The following CFAP61 variants were observed in gnomAD, a reference collection of about 807,000 sequenced individuals.
CFAP61 encodes cilia- and flagella-associated protein 61.
CFAP61 carries 107 observed loss-of-function variants against 135.6 expected under a neutral mutation model. The ratio of observed to expected loss-of-function variants is 0.79; its 90% CI spans 0.67 to 0.93. CFAP61 has a LOEUF of 0.93. Among genes scored for constraint, CFAP61 ranks in the 40% least tolerant of loss-of-function variants. The probability of loss-of-function intolerance (pLI) is 0.00; values close to 1 mark genes in which losing one functional copy is unlikely to be tolerated. For synonymous variants in CFAP61, 575 were observed against 578.5 expected (o/e 0.99, Z 0.09); for missense variants, 1,507 against 1,556.2 (o/e 0.97, Z 0.53).
chr20:20,201,759 C>T (rs964409679), intron 17 of CFAP61, among the ~76,000 whole-genome samples: 1 of 152,180 alleles, frequency 6.6e-6, no homozygotes, highest in South Asian at 2.1e-4. Context: ...TTGCAGCTTC[C>T]GTATCAGATC....
intron 17 of CFAP61, among the ~76,000 whole-genome samples, chr20:20,209,366 A>C (rs1455300463): frequency 2.6e-5 from 4 of 152,210 alleles, no homozygotes; most frequent in Non-Finnish European, 4.4e-5. Flanking sequence ...TGCTCAGTCA[A>C]AGGTAAAGTT....
chr20:20,298,097 T>C, intron 24 of CFAP61, 84 bp from the exon 25 acceptor site: 1 of 908,970 alleles, frequency 1.1e-6, no homozygotes, highest in South Asian at 1.4e-5. Context: ...TCTGTTATAT[T>C]TGAAAAATAA....
At chr20:20,064,768 G>C (rs78486539) in intron 2 of CFAP61, among the ~76,000 whole-genome samples, 2,034 of 152,204 alleles carry the variant, frequency 0.013, 44 homozygotes, top group African/African-American at 0.046. Flanking sequence ...CCACATTTTG[G>C]ACAGGAAGAT....
At chr20:20,095,118 T>G (rs1015373426) in intron 7 of CFAP61, among the ~76,000 whole-genome samples, 2 of 152,184 alleles carry the variant, frequency 1.3e-5, no homozygotes, top group African/African-American at 4.8e-5. Context: ...TTCTCCATGT[T>G]CTTGAGGGTT....
intron 22 of CFAP61, among the ~76,000 whole-genome samples, chr20:20,288,163 C>G (rs574433097): frequency 6.6e-6 from 1 of 152,246 alleles, no homozygotes; most frequent in East Asian, 1.9e-4. Flanking sequence ...AATGGGCAGT[C>G]TGAAAACTGA....
intron 8 of CFAP61, among the ~76,000 whole-genome samples, chr20:20,104,151 G>C (rs1332363497): frequency 6.6e-6 from 1 of 152,112 alleles, no homozygotes; most frequent in Non-Finnish European, 1.5e-5. Context: ...TTGTCACCAA[G>C]TCATCCAGGA....
chr20:20,165,634 A>G (rs1334935902), intron 11 of CFAP61, among the ~76,000 whole-genome samples: 2 of 151,996 alleles, frequency 1.3e-5, no homozygotes, highest in Non-Finnish European at 2.9e-5. Flanking sequence ...ATCTGTTCAC[A>G]GAACCATCTC....
chr20:20,184,024 A>G (rs1405483257), intron 13 of CFAP61, among the ~76,000 whole-genome samples: 1 of 152,232 alleles, frequency 6.6e-6, no homozygotes. Flanking sequence ...CGATGTTTGC[A>G]GTTTTGTGCT....
intron 1 of CFAP61, chr20:20,056,048 C>T (rs772725067): frequency 1.3e-6 from 2 of 1,486,168 alleles, no homozygotes; most frequent in East Asian, 4.6e-5. Context: ...GTCGGAAAGG[C>T]TGGGTTATAC....
chr20:20,169,345 C>G lies in CFAP61; in HGVS notation c.1270C>G (p.Leu424Val). The G allele has an allele frequency of 6.2e-7, 1 of 1,613,762 alleles. No individual in the cohort carries two copies. ...FSDKNFCVIS[L>V]PHLTPEFFLI... ...GGATAAGAACTTCTGTGTAATTTCT[C>G]TGCCCCATCTCACCCCCGAGTTCTT... Residue 424 changes from leucine to valine, a missense_variant, in exon 13 of 27, where the codon CTG becomes GTG. Transcript: ENST00000245957.
intron 13 of CFAP61, among the ~76,000 whole-genome samples, chr20:20,171,274 T>C (rs1253622579): frequency 2.0e-5 from 3 of 152,182 alleles, no homozygotes; most frequent in African/African-American, 7.2e-5. Flanking sequence ...TGTCCTGCAG[T>C]AGTCCAGACA....
chr20:20,327,809 A>G (rs2057819020), intron 25 of CFAP61, among the ~76,000 whole-genome samples: 1 of 4,314 alleles, frequency 2.3e-4, no homozygotes, highest in South Asian at 7.2e-3. Flanking sequence ...AAAAAAACAG[A>G]AGAAACAGGA....
chr20:20,080,123 A>G (rs2046332585), intron 6 of CFAP61, among the ~76,000 whole-genome samples: 1 of 152,144 alleles, frequency 6.6e-6, no homozygotes, highest in Non-Finnish European at 1.5e-5. Context: ...TTTATTTAAT[A>G]AAATGAATTC....
At chr20:20,069,664 T>C in intron 2 of CFAP61, 1 of 444,278 alleles carries the variant, frequency 2.3e-6, no homozygotes, top group South Asian at 1.6e-5. Flanking sequence ...GAAACCAAAG[T>C]GTTGACAGTG....
intron 6 of CFAP61, 22 bp downstream of exon 6, chr20:20,075,637 G>T: frequency 1.2e-6 from 2 of 1,612,164 alleles, no homozygotes; most frequent in East Asian, 4.5e-5. Flanking sequence ...GTCATGCCTT[G>T]TGTGACCTAA....
At chr20:20,058,649 A>T (rs1485948763) in intron 2 of CFAP61, among the ~76,000 whole-genome samples, 3 of 152,246 alleles carry the variant, frequency 2.0e-5, no homozygotes, top group Non-Finnish European at 4.4e-5. Flanking sequence ...AGGGGGATAA[A>T]GTCTCTTCTG....
chr20:20,274,834 TCTA>T (rs1434837142), intron 21 of CFAP61, among the ~76,000 whole-genome samples: 1 of 152,184 alleles, frequency 6.6e-6, no homozygotes, highest in Non-Finnish European at 1.5e-5. Context: ...ATCACGGCAT[TCTA>T]CTATATTTTA....
intron 8 of CFAP61, among the ~76,000 whole-genome samples, chr20:20,127,362 A>G (rs2050146979): frequency 6.6e-6 from 1 of 151,668 alleles, no homozygotes; most frequent in Non-Finnish European, 1.5e-5. Flanking sequence ...GTCAGAGGGA[A>G]AGTCTAGGGC....
intron 19 of CFAP61, among the ~76,000 whole-genome samples, chr20:20,250,626 T>A (rs1334767779): frequency 6.6e-6 from 1 of 152,164 alleles, no homozygotes; most frequent in Non-Finnish European, 1.5e-5. Flanking sequence ...AATGTTAGTG[T>A]TTTTATGTTA....
Sources: allele counts gnomAD v4.1 joint callset (sites outside exome capture counted in the v4.1 genomes callset), GRCh38; gene constraint gnomAD v4.1.1; transcripts MANE v1.5; gene names NCBI Gene and HGNC (gene_info 2026-07-23, HGNC 2026-07-21).